The following TNFRSF10B variants were observed in gnomAD, a reference collection of about 807,000 sequenced individuals.
TNFRSF10B encodes the protein tumor necrosis factor receptor superfamily member 10B.
A neutral mutation model predicts 41.4 loss-of-function variants in TNFRSF10B; 35 were observed. That is an observed-to-expected ratio of 0.85 (90% CI 0.65 to 1.12). The LOEUF (loss-of-function observed/expected upper bound fraction) is 1.12, where lower values mean the gene tolerates loss of function less well. Ranked by LOEUF, TNFRSF10B falls within the 50% of genes most tolerant of loss-of-function variation. TNFRSF10B has a pLI of 0.00. For missense variants in TNFRSF10B, 584 were observed against 552.7 expected (o/e 1.06, Z -0.57); for synonymous variants, 230 against 215.5 (o/e 1.07, Z -0.59).
chr8:23,027,723 C>G lies in TNFRSF10B; in HGVS notation c.779G>C (p.Arg260Thr). The G allele has an allele frequency of 6.2e-7, 1 of 1,614,104 alleles. No individual in the cohort carries two copies. The highest frequency in any genetic ancestry group is 8.5e-7 in the Non-Finnish European group (1 of 1,180,012). ...GGGGDPERVD[R>T]SSQRPGAEDN... is the part of the protein sequence containing the mutation. ...CAGCTCCTGGAGAAATCAACTCACT[C>G]TGTCCACACGCTCAGGGTCCCCACC... The change falls in exon 6 of 9, where the codon AGA becomes ACA. Residue 260 changes from arginine (R) to threonine (T), a missense_variant and splice_region_variant. By Grantham distance (71) the Arg-to-Thr change is moderately conservative (BLOSUM62 -1). Coordinates refer to ENST00000276431, the MANE Select transcript of TNFRSF10B (RefSeq NM_003842.5).
intron 1 of TNFRSF10B, among the ~76,000 whole-genome samples, chr8:23,052,953 C>T (rs573113849): frequency 1.5e-4 from 23 of 152,184 alleles, no homozygotes; most frequent in Non-Finnish European, 2.4e-4. Context: ...ATGGTAAATT[C>T]TTGTCCTAAA....
intron 2 of TNFRSF10B, among the ~76,000 whole-genome samples, chr8:23,040,194 T>TA (rs1812130513): frequency 6.9e-6 from 1 of 145,268 alleles, no homozygotes; most frequent in South Asian, 2.1e-4. Context: ...AATATATATA[T>TA]ATCTATATAT....
intron 4 of TNFRSF10B, among the ~76,000 whole-genome samples, chr8:23,028,854 G>A (rs1414675300): frequency 6.6e-6 from 1 of 152,202 alleles, no homozygotes; most frequent in African/African-American, 2.4e-5. Context: ...TCTGTGCTGG[G>A]CACACACTGA....
At chr8:23,040,312 A>G (rs1417547208) in intron 2 of TNFRSF10B, among the ~76,000 whole-genome samples, 2 of 40,210 alleles carry the variant, frequency 5.0e-5, no homozygotes, top group Non-Finnish European at 1.6e-4. Context: ...ATATATATTT[A>G]ATAAATATAT....
At position 23,027,115 on chromosome 8, in the gene TNFRSF10B, G is replaced by T. The variant is rs369987883; in HGVS notation, c.936+18C>A. The T allele has an allele frequency of 3.1e-6, 5 of 1,613,548 alleles. No individual in the cohort carries two copies. Among genetic ancestry groups the T allele is most frequent in the East Asian group, 2.2e-5 (1 of 44,894 alleles). On this transcript the variant is annotated intron_variant, in intron 7 of 8. Transcript: ENST00000276431. Reference sequence around the variant, plus strand: ...TGAGCAGCATGCCAGGAAACAAAATGATCTGTCCCCCACTCACCAGCAGAT... The same window carrying T: ...TGAGCAGCATGCCAGGAAACAAAATTATCTGTCCCCCACTCACCAGCAGAT...
chr8:23,027,155 G>C lies in TNFRSF10B; in HGVS notation c.914C>G (p.Pro305Arg). 6.2e-7 allele frequency: 1 copy of C among 1,614,118 alleles called. No individual in the cohort carries two copies. The highest frequency in any genetic ancestry group is 8.5e-7 in the Non-Finnish European group (1 of 1,180,018). ...AEPTGVNMLSPGESEHLLEPA... is the reference protein window; with the variant it reads ...AEPTGVNMLSRGESEHLLEPA... ...CACCAGCAGATGCTCTGACTCCCCG[G>C]GGGACAACATGTTGACACCTGTTGG... is the stretch of plus-strand genomic sequence containing the variant. The change falls in exon 7 of 9, where the codon CCC becomes CGC. Residue 305 changes from proline to arginine, a missense_variant. Coordinates refer to ENST00000276431, the MANE Select transcript of TNFRSF10B (RefSeq NM_003842.5).
intron 2 of TNFRSF10B, among the ~76,000 whole-genome samples, chr8:23,039,037 G>T (rs1812098715): frequency 6.6e-6 from 1 of 151,724 alleles, no homozygotes; most frequent in African/African-American, 2.4e-5. Flanking sequence ...TTATTTTCCT[G>T]CAACTAGATG....
intron 1 of TNFRSF10B, among the ~76,000 whole-genome samples, chr8:23,063,176 G>A (rs1035191299): frequency 6.6e-5 from 10 of 151,818 alleles, no homozygotes; most frequent in Admixed American, 2.0e-4. Context: ...GGTGAAACCC[G>A]GTCTCTACTA....
At chr8:23,040,341 T>A (rs55800335) in intron 2 of TNFRSF10B, among the ~76,000 whole-genome samples, 60 of 51,698 alleles carry the variant, frequency 1.2e-3, no homozygotes, top group African/African-American at 2.4e-3. Context: ...TATATATTTA[T>A]TAAATATATA....
At chr8:23,061,669 G>A (rs936911935) in intron 1 of TNFRSF10B, among the ~76,000 whole-genome samples, 1 of 152,100 alleles carries the variant, frequency 6.6e-6, no homozygotes, top group Admixed American at 6.5e-5. Context: ...TAGCTGTGGG[G>A]TTTTCTTACA....
chr8:23,055,658 T>A (rs374110672), intron 1 of TNFRSF10B, among the ~76,000 whole-genome samples: 31 of 152,232 alleles, frequency 2.0e-4, no homozygotes, highest in South Asian at 1.2e-3. Flanking sequence ...AGGACCCATT[T>A]AGGATTAAAC....
At chr8:23,049,453 AT>A (rs982646311) in intron 1 of TNFRSF10B, among the ~76,000 whole-genome samples, 6 of 152,216 alleles carry the variant, frequency 3.9e-5, no homozygotes, top group Non-Finnish European at 7.3e-5. Context: ...AACCTCCATG[AT>A]TTAGCAGGAG....
intron 2 of TNFRSF10B, among the ~76,000 whole-genome samples, chr8:23,036,241 A>G (rs1344995040): frequency 3.9e-5 from 6 of 152,252 alleles, no homozygotes; most frequent in African/African-American, 1.2e-4. Flanking sequence ...AAGTTTGGGC[A>G]CATACAGCCT....
chr8:23,041,000 A>G (rs570520664), intron 2 of TNFRSF10B, among the ~76,000 whole-genome samples: 2 of 152,122 alleles, frequency 1.3e-5, no homozygotes, highest in African/African-American at 4.8e-5. Context: ...TGGCTCAATG[A>G]CTTAATTACA....
At chr8:23,028,123 AC>A in intron 5 of TNFRSF10B, 1 of 659,380 alleles carries the variant, frequency 1.5e-6, no homozygotes, top group Non-Finnish European at 2.5e-6. Flanking sequence ...AGATATGGGG[AC>A]CCCCAGACCT....
chr8:23,066,188 TG>T (rs373695403), intron 1 of TNFRSF10B, among the ~76,000 whole-genome samples: 26 of 151,828 alleles, frequency 1.7e-4, no homozygotes, highest in African/African-American at 5.8e-4. Context: ...GAGGCCGAGG[TG>T]GGAGGATCAC....
chr8:23,052,080 G>A (rs754849515), intron 1 of TNFRSF10B, among the ~76,000 whole-genome samples: 10 of 151,838 alleles, frequency 6.6e-5, no homozygotes, highest in South Asian at 2.1e-4. Context: ...GACAACTATC[G>A]CAGTTTTCAT....
rs1585204087 is a variant in TNFRSF10B at position 23,022,964 on chromosome 8, C to A, written c.1030G>T (p.Asp344Tyr). 6.2e-7 allele frequency: 1 copy of A among 1,612,946 alleles called. No homozygotes were observed. The highest frequency in any genetic ancestry group is 8.5e-7 in the Non-Finnish European group (1 of 1,180,024). The change falls in exon 9 of 9, where the codon GAC becomes TAC. Residue 344 changes from aspartate (D) to tyrosine (Y), a missense_variant. Transcript: ENST00000276431. ...TCAAAGGGCACCAAGTCTGCAAAGT[C>A]ATCGAAGCACTGTCTCAGAGCTGGT... The part of the protein sequence containing the change: ...PTETLRQCFD[D>Y]FADLVPFDSW...
chr8:23,026,045 C>T (rs1181636849), intron 7 of TNFRSF10B, among the ~76,000 whole-genome samples: 3 of 152,020 alleles, frequency 2.0e-5, no homozygotes, highest in Non-Finnish European at 4.4e-5. Context: ...CACTGCACTC[C>T]AGCCCAGGTG....
Sources: gnomAD v4.1 joint callset for allele counts (sites outside exome capture counted in the v4.1 genomes callset) on GRCh38, gnomAD v4.1.1 for gene constraint, MANE v1.5 for transcripts, NCBI Gene and HGNC (gene_info 2026-07-23, HGNC 2026-07-21) for gene names.